ENG: variants seen among roughly 807,000 people sequenced by gnomAD.
The protein encoded by ENG is endoglin.
Under a neutral mutation model 71.0 loss-of-function variants are expected in ENG, and 17 were observed. The ratio of observed to expected loss-of-function variants is 0.24; its 90% CI spans 0.16 to 0.36. The LOEUF (loss-of-function observed/expected upper bound fraction) is 0.36. ENG is among the 10% of genes least tolerant of loss of function. The pLI is 1.00. For missense variants in ENG, 749 were observed against 868.3 expected, an observed-to-expected ratio of 0.86 and a Z score of 1.73; for synonymous variants, 360 against 366.9, an observed-to-expected ratio of 0.98 and a Z score of 0.21.
intron 3 of ENG, among the ~76,000 whole-genome samples, chr9:127,827,650 AT>A (rs964765785): frequency 7.2e-5 from 11 of 152,150 alleles, no homozygotes; most frequent in South Asian, 2.1e-4. Context: ...ATTTAAAAAT[AT>A]TTTTTATTAT....
At chr9:127,835,167 T>TTTTATA (rs1388639816) in intron 2 of ENG, among the ~76,000 whole-genome samples, 1 of 151,896 alleles carries the variant, frequency 6.6e-6, no homozygotes, top group African/African-American at 2.4e-5. Context: ...CCTGGCTAAT[T>TTTTATA]TTTATATTTT....
intron 5 of ENG, 32 bp downstream of exon 5, chr9:127,825,663 G>GACT (rs1248780469): frequency 1.1e-5 from 16 of 1,460,124 alleles, no homozygotes; most frequent in African/African-American, 1.5e-5. Context: ...TCGGGGTGGG[G>GACT]ACTAGTGTCA....
At chr9:127,848,832 T>A (rs943936907) in intron 1 of ENG, among the ~76,000 whole-genome samples, 5 of 152,224 alleles carry the variant, frequency 3.3e-5, no homozygotes, top group African/African-American at 1.2e-4. Flanking sequence ...AACATCCACT[T>A]CCACTGGATA....
In ENG at chr9:127,846,916, A is replaced by C; in HGVS notation, c.68-3671T>G. 1 of 985,572 alleles carries C rather than the reference A, an allele frequency of 1.0e-6. No individual in the cohort carries two copies. The highest frequency in any genetic ancestry group is 1.2e-6 in the Non-Finnish European group (1 of 830,010). 61.1% of individuals were successfully genotyped at this position (985,572 alleles called of 1,614,324 possible). On this transcript the variant is annotated intron_variant, in intron 1 of 14. Transcript: ENST00000373203. This position sits in a 1 kb window ranked among gnomAD's most constrained non-coding sequence, Gnocchi z 5.5. ...CACCCATGTGCACACAGCACCTCCC[A>C]GATTTCCAGAGGGCTACCTTCAGCA...
At chr9:127,830,228 G>A (rs1307065419) in intron 2 of ENG, among the ~76,000 whole-genome samples, 1 of 150,590 alleles carries the variant, frequency 6.6e-6, no homozygotes, top group Non-Finnish European at 1.5e-5. Flanking sequence ...TATAATCTCA[G>A]CCACTGGGGA....
chr9:127,849,607 A>G (rs1267741752), intron 1 of ENG, among the ~76,000 whole-genome samples: 3 of 152,214 alleles, frequency 2.0e-5, no homozygotes. Flanking sequence ...GGAGGAAGAC[A>G]GAGCAGGGCA....
At chr9:127,844,953 C>A (rs1831135328) in intron 1 of ENG, among the ~76,000 whole-genome samples, 1 of 152,134 alleles carries the variant, frequency 6.6e-6, no homozygotes, top group African/African-American at 2.4e-5. Flanking sequence ...CCAGAGCAGA[C>A]CGCAGAGCCC....
chr9:127,837,810 C>CCAACCATCCATCCACATCCATCCATT (rs1554811753), intron 2 of ENG, among the ~76,000 whole-genome samples: 1 of 150,958 alleles, frequency 6.6e-6, no homozygotes, highest in Admixed American at 6.6e-5. Context: ...ATCCATCCAT[C>CCAACCATCCATCCACATCCATCCATT]CATCCAACAG....
intron 2 of ENG, among the ~76,000 whole-genome samples, chr9:127,830,670 C>CA (rs1024443107): frequency 6.0e-5 from 9 of 150,396 alleles, no homozygotes; most frequent in East Asian, 1.9e-4. Context: ...AAAAAACAAA[C>CA]AAAAAAAAGG....
chr9:127,837,435 C>G (rs1830924985), intron 2 of ENG, among the ~76,000 whole-genome samples: 2 of 152,124 alleles, frequency 1.3e-5, no homozygotes, highest in African/African-American at 4.8e-5. Context: ...GCTTCTTCCT[C>G]AGCTGAGGGG....
chr9:127,818,672 T>C (rs1830393549), intron 11 of ENG, 44 bp downstream of exon 11: 2 of 1,594,156 alleles, frequency 1.3e-6, no homozygotes, highest in Non-Finnish European at 1.7e-6. Flanking sequence ...GAGAGGAAGT[T>C]CCAGGAGCTG....
intron 11 of ENG, 149 bp downstream of exon 11, chr9:127,818,567 C>T: frequency 1.5e-6 from 2 of 1,360,970 alleles, no homozygotes; most frequent in Non-Finnish European, 1.0e-6. Flanking sequence ...CTGAGCAATG[C>T]CTTCTCTGTC....
At chr9:127,825,171 T>C in intron 6 of ENG, 60 bp downstream of exon 6, 2 of 1,612,970 alleles carry the variant, frequency 1.2e-6, no homozygotes, top group South Asian at 2.2e-5. Flanking sequence ...TCCAGGAAAC[T>C]TCCCTGATCC....
rs1478627426 is a variant in ENG, at chr9:127,836,691, T to C, written c.219+6403A>G. Reference sequence around the variant, plus strand: ...GCCTCTCTGGGCCTCAGTTTCCTGATTTGGAAAATGGTATTCCCACTTCAT... The same window carrying C: ...GCCTCTCTGGGCCTCAGTTTCCTGACTTGGAAAATGGTATTCCCACTTCAT... On this transcript the variant is annotated intron_variant, in intron 2 of 14. Transcript: ENST00000373203. The surrounding 1 kb of genome is among the most constrained non-coding windows in gnomAD (Gnocchi z 4.0). Among the ~76,000 whole-genome samples, 1 of 152,242 alleles carries C rather than the reference T, an allele frequency of 6.6e-6. No individual in the cohort carries two copies. Among genetic ancestry groups the C allele is most frequent in the Non-Finnish European group, 1.5e-5 (1 of 68,026 alleles).
At chr9:127,818,021 A>G in intron 12 of ENG, 99 bp downstream of exon 12, 1 of 1,588,214 alleles carries the variant, frequency 6.3e-7, no homozygotes, top group Non-Finnish European at 8.6e-7. Context: ...GCCCCTCACC[A>G]GCTGGCCCCA....
At chr9:127,823,947 C>T (rs1176841113) in intron 8 of ENG, among the ~76,000 whole-genome samples, 1 of 152,118 alleles carries the variant, frequency 6.6e-6, no homozygotes, top group Non-Finnish European at 1.5e-5. Context: ...TCCCAAAGTG[C>T]TGAGATTACA....
intron 1 of ENG, among the ~76,000 whole-genome samples, chr9:127,850,082 C>T (rs1300003415): frequency 2.0e-5 from 3 of 152,190 alleles, no homozygotes; most frequent in Non-Finnish European, 4.4e-5. Context: ...TCCCTTCAGC[C>T]TCCAAGGCTG....
Position 127,818,127 on chromosome 9 carries a change from T to G in ENG, c.1679A>C (p.Gln560Pro), listed in dbSNP as rs1830375157. ...TVALRPKTGSQDQEVHRTVFM... is the reference protein window; with the variant it reads ...TVALRPKTGSPDQEVHRTVFM... ...GGCCCAGGCCCCACTCACCTGGTCT[T>G]GAGACCCGGTCTTGGGACGCAGGGC... The change falls in exon 12 of 15, where the codon CAA (glutamine) becomes CCA (proline). Residue 560 changes from glutamine (Q) to proline (P), a missense_variant. Gln to Pro is a moderately conservative substitution (Grantham distance 76). Transcript: ENST00000373203. 6.2e-7 allele frequency: 1 copy of G among 1,614,152 alleles called. No individual in the cohort carries two copies. Among genetic ancestry groups the G allele is most frequent in the East Asian group, 2.2e-5 (1 of 44,884 alleles).
At chr9:127,826,795 G>T in intron 3 of ENG, 123 bp from the exon 4 acceptor site, 1 of 1,305,454 alleles carries the variant, frequency 7.7e-7, no homozygotes. Flanking sequence ...GGCCGGAGCT[G>T]AGAATGCTGG....
Sources: allele counts gnomAD v4.1 joint callset (sites outside exome capture counted in the v4.1 genomes callset), GRCh38; gene constraint gnomAD v4.1.1; non-coding constraint Gnocchi (gnomAD v3.1); transcripts MANE v1.5; gene names NCBI Gene and HGNC (gene_info 2026-07-23, HGNC 2026-07-21).